The following BTLA variants were observed in gnomAD, a reference collection of about 807,000 sequenced individuals.
BTLA encodes the protein B- and T-lymphocyte attenuator.
Under a neutral mutation model 25.0 loss-of-function variants are expected in BTLA, and 11 were observed. That is an observed-to-expected ratio of 0.44 (90% confidence interval 0.28 to 0.73). The LOEUF (loss-of-function observed/expected upper bound fraction) is 0.73, where lower values mean the gene tolerates loss of function less well. Ranked by LOEUF, BTLA falls within the 30% of genes least tolerant of loss-of-function variation. The pLI is 0.15. For missense variants in BTLA, 282 were observed against 332.8 expected (o/e 0.85, Z 1.19); for synonymous variants, 104 against 119.8 (o/e 0.87, Z 0.86).
At chr3:112,466,506 TCCTC>T in intron 4 of BTLA, 123 bp from the exon 5 acceptor site, 1 of 848,540 alleles carries the variant, frequency 1.2e-6, no homozygotes, top group Non-Finnish European at 1.7e-6. Flanking sequence ...AATCTACTGT[TCCTC>T]ACATACTCTG....
chr3:112,478,119 A>C (rs2082298910), intron 2 of BTLA, among the ~76,000 whole-genome samples: 1 of 151,846 alleles, frequency 6.6e-6, no homozygotes, highest in South Asian at 2.1e-4. Flanking sequence ...GTTGCAACTC[A>C]ATGTGAATTT....
intron 1 of BTLA, among the ~76,000 whole-genome samples, chr3:112,485,805 C>T (rs1477842323): frequency 6.6e-6 from 1 of 152,178 alleles, no homozygotes; most frequent in Non-Finnish European, 1.5e-5. Flanking sequence ...AAAATAAATA[C>T]ATGCAGTAAA....
intron 1 of BTLA, among the ~76,000 whole-genome samples, chr3:112,481,791 T>C (rs2107323304): frequency 6.6e-6 from 1 of 152,386 alleles, no homozygotes; most frequent in South Asian, 2.1e-4. Flanking sequence ...CAAATCTTTC[T>C]ATTCTGCTTC....
At chr3:112,480,466 G>T (rs1025437941) in intron 1 of BTLA, among the ~76,000 whole-genome samples, 5 of 152,174 alleles carry the variant, frequency 3.3e-5, no homozygotes, top group Non-Finnish European at 5.9e-5. Flanking sequence ...GATAATTTTT[G>T]AATCACAGAA....
rs2082226623 is a variant in BTLA at position 112,466,328 on chromosome 3, T to C, written c.650A>G (p.Gln217Arg). The change falls in exon 5 of 5, where the codon CAA becomes CGA. Residue 217 changes from glutamine (Q) to arginine (R), a missense_variant. Around this residue, in one of 2 missense-constraint regions of BTLA, gnomAD observed 119 missense variants for 102.3 expected, o/e 1.16. Transcript: ENST00000334529. ...AATTCCAGTTTCTGATAGCAGTACT[T>C]GGGAATTTTGCCTGGTGCTTGCTTC... The part of the protein sequence containing the change: ...QTEASTRQNS[Q>R]VLLSETGIYD... The C allele has an allele frequency of 1.2e-6, 2 of 1,613,592 alleles. No homozygotes were observed. The highest frequency in any genetic ancestry group is 1.7e-6 in the Non-Finnish European group (2 of 1,179,728).
chr3:112,476,018 T>G (rs2082286804), intron 2 of BTLA, among the ~76,000 whole-genome samples: 2 of 152,212 alleles, frequency 1.3e-5, no homozygotes, highest in Non-Finnish European at 2.9e-5. Flanking sequence ...TCCAGGTTGA[T>G]GAAGACAATT....
At chr3:112,467,784 A>G (rs2082238130) in intron 4 of BTLA, among the ~76,000 whole-genome samples, 1 of 152,234 alleles carries the variant, frequency 6.6e-6, no homozygotes, top group African/African-American at 2.4e-5. Context: ...CTCCACTGAA[A>G]AGAGCCTGGT....
In BTLA at chr3:112,471,713, G is replaced by A. The variant is rs57306336; in HGVS notation, c.404-358C>T. On this transcript the variant is annotated intron_variant, in intron 2 of 4. Coordinates refer to ENST00000334529, the MANE Select transcript of BTLA (RefSeq NM_181780.4). ...GTAGGAAAACCATTGTCTTTATTTT[G>A]TCCCAAGAGTTGCTCCAAGTCAGAT... Among the ~76,000 whole-genome samples the A allele has an allele frequency of 4.6e-3, 698 of 152,146 alleles. 4 individuals carry two copies. Among genetic ancestry groups the A allele is most frequent in the African/African-American group, 0.016 (674 of 41,498 alleles).
intron 1 of BTLA, among the ~76,000 whole-genome samples, chr3:112,497,640 A>G (rs1341301399): frequency 6.6e-6 from 1 of 152,150 alleles, no homozygotes; most frequent in African/African-American, 2.4e-5. Context: ...TCAGTCAACC[A>G]TCTAAGCACC....
intron 2 of BTLA, among the ~76,000 whole-genome samples, chr3:112,477,106 C>G (rs1004788067): frequency 6.6e-6 from 1 of 151,994 alleles, no homozygotes; most frequent in Non-Finnish European, 1.5e-5. Flanking sequence ...TTGTTTCTAC[C>G]TTTTGGCTAT....
intron 2 of BTLA, 97 bp from the exon 3 acceptor site, chr3:112,471,452 T>C: frequency 7.5e-7 from 1 of 1,327,098 alleles, no homozygotes; most frequent in Non-Finnish European, 1.0e-6. Context: ...GTGAAGGAGA[T>C]TTCAGGCCAA....
chr3:112,498,381 C>T (rs2082421757), intron 1 of BTLA, among the ~76,000 whole-genome samples: 1 of 151,812 alleles, frequency 6.6e-6, no homozygotes, highest in African/African-American at 2.4e-5. Flanking sequence ...TGCAGTGAGG[C>T]GGGATCACGC....
chr3:112,481,674 C>T (rs1245488123), intron 1 of BTLA, among the ~76,000 whole-genome samples: 1 of 152,228 alleles, frequency 6.6e-6, no homozygotes, highest in East Asian at 1.9e-4. Context: ...TACTTCACTC[C>T]CTTCTATCCA....
chr3:112,486,244 C>CAGTG (rs1335698147), intron 1 of BTLA, among the ~76,000 whole-genome samples: 10 of 152,282 alleles, frequency 6.6e-5, no homozygotes, highest in Middle Eastern at 3.4e-3. Flanking sequence ...TTATCAAAAC[C>CAGTG]ACTAGTGGTA....
chr3:112,490,827 ATATCT>A (rs539687955), intron 1 of BTLA, among the ~76,000 whole-genome samples: 83 of 152,090 alleles, frequency 5.5e-4, no homozygotes, highest in Admixed American at 1.1e-3. Flanking sequence ...TTATAAAAAC[ATATCT>A]TCTTATATTC....
chr3:112,498,821 G>T (rs1322804118), intron 1 of BTLA, among the ~76,000 whole-genome samples: 1 of 151,806 alleles, frequency 6.6e-6, no homozygotes, highest in Non-Finnish European at 1.5e-5. Flanking sequence ...TATTATTTGA[G>T]GGTAACCATG....
chr3:112,471,927 C>A (rs541547652), intron 2 of BTLA, among the ~76,000 whole-genome samples: 1 of 152,182 alleles, frequency 6.6e-6, no homozygotes, highest in African/African-American at 2.4e-5. Context: ...AATGTTAATA[C>A]GCATTGAGGC....
chr3:112,467,212 G>A (rs1224473239), intron 4 of BTLA, among the ~76,000 whole-genome samples: 1 of 152,020 alleles, frequency 6.6e-6, no homozygotes, highest in Non-Finnish European at 1.5e-5. Context: ...CGCCCGCCTC[G>A]GCCTCCCAAA....
At position 112,479,547 on chromosome 3, in the gene BTLA, G is replaced by T; in HGVS notation, c.311C>A (p.Pro104Gln). ...TGACCCATTGTCATTAGGAAGCACT[G>T]GTTCAAAATGTAGAATGAAAAATGA... ...NISFFILHFE[P>Q]VLPNDNGSYR... The change falls in exon 2 of 5, where the codon CCA (proline) becomes CAA (glutamine). Residue 104 changes from proline to glutamine, a missense_variant. This residue lies in a region of BTLA where 163 missense variants were observed against 230.4 expected (regional missense o/e 0.71). Coordinates refer to ENST00000334529, the MANE Select transcript of BTLA (RefSeq NM_181780.4). 6.2e-7 allele frequency: 1 copy of T among 1,614,048 alleles called. No individual in the cohort carries two copies. Among genetic ancestry groups the T allele is most frequent in the East Asian group, 2.2e-5 (1 of 44,880 alleles).
Sources: gnomAD v4.1 joint callset for allele counts (sites outside exome capture counted in the v4.1 genomes callset) on GRCh38, gnomAD v4.1.1 for gene constraint, gnomAD v4.1.1 regional missense constraint, MANE v1.5 for transcripts, NCBI Gene and HGNC (gene_info 2026-07-23, HGNC 2026-07-21) for gene names.